Variants in CTNNA3 observed in about 807,000 individuals in gnomAD.
CTNNA3 encodes the protein catenin alpha-3.
A neutral mutation model predicts 95.7 loss-of-function variants in CTNNA3; 76 were observed. The observed-to-expected ratio is 0.79, with a 90% CI of 0.66 to 0.96. The LOEUF is 0.96. Among genes scored for constraint, CTNNA3 ranks in the 40% least tolerant of loss-of-function variants. The pLI is 0.00. For synonymous variants in CTNNA3, 431 were observed against 374.4 expected (o/e 1.15, Z -1.74); for missense variants, 1,191 against 1,089.8 (o/e 1.09, Z -1.31).
chr10:67,011,046 T>C (rs1395948690), intron 7 of CTNNA3, among the ~76,000 whole-genome samples: 4 of 152,138 alleles, frequency 2.6e-5, no homozygotes, highest in Admixed American at 6.5e-5. Context: ...TATGTCAATA[T>C]AGGCCAGGCG....
chr10:67,400,178 A>G (rs372420910), intron 5 of CTNNA3, among the ~76,000 whole-genome samples: 1 of 151,926 alleles, frequency 6.6e-6, no homozygotes, highest in African/African-American at 2.4e-5. Context: ...AAACTCTTGA[A>G]TACATATACC....
chr10:67,034,292 TC>T (rs1015051197), intron 7 of CTNNA3, among the ~76,000 whole-genome samples: 1 of 152,170 alleles, frequency 6.6e-6, no homozygotes, highest in Admixed American at 6.5e-5. Flanking sequence ...TGCCAAGCAA[TC>T]ATTTATTCAG....
intron 4 of CTNNA3, among the ~76,000 whole-genome samples, chr10:67,526,930 C>G (rs942553025): frequency 1.3e-5 from 2 of 152,128 alleles, no homozygotes; most frequent in Non-Finnish European, 2.9e-5. Flanking sequence ...TATGGTGAGG[C>G]TTGGGTGGAA....
intron 13 of CTNNA3, among the ~76,000 whole-genome samples, chr10:66,246,698 A>AT (rs1370522477): frequency 6.6e-6 from 1 of 152,016 alleles, no homozygotes; most frequent in African/African-American, 2.4e-5. Context: ...AAAAAATGCA[A>AT]TTGACATACT....
intron 5 of CTNNA3, among the ~76,000 whole-genome samples, chr10:67,389,745 A>C (rs1176112404): frequency 1.3e-5 from 2 of 151,584 alleles, no homozygotes; most frequent in African/African-American, 4.9e-5. Context: ...AGAACTCAGG[A>C]TTAAGAATCT....
At chr10:66,280,976 C>G (rs1012466982) in intron 12 of CTNNA3, among the ~76,000 whole-genome samples, 1 of 151,554 alleles carries the variant, frequency 6.6e-6, no homozygotes, top group Non-Finnish European at 1.5e-5. Flanking sequence ...ATATAAACCA[C>G]AAGACATTAC....
chr10:67,398,729 G>A (rs1020741508), intron 5 of CTNNA3, among the ~76,000 whole-genome samples: 2 of 152,088 alleles, frequency 1.3e-5, no homozygotes, highest in Non-Finnish European at 2.9e-5. Context: ...CCTGGTGGGA[G>A]GTAATTGAAT....
At chr10:66,481,531 G>C (rs1187669500) in intron 11 of CTNNA3, among the ~76,000 whole-genome samples, 1 of 127,846 alleles carries the variant, frequency 7.8e-6, no homozygotes. Context: ...GACTGCAGTG[G>C]CACGATCTCG....
At chr10:67,060,871 T>G (rs917477748) in intron 7 of CTNNA3, among the ~76,000 whole-genome samples, 1 of 152,212 alleles carries the variant, frequency 6.6e-6, no homozygotes, top group African/African-American at 2.4e-5. Flanking sequence ...AAGCTATGAC[T>G]TTAACTAGTT....
chr10:66,481,080 T>C (rs1839506180), intron 11 of CTNNA3, among the ~76,000 whole-genome samples: 1 of 152,082 alleles, frequency 6.6e-6, no homozygotes, highest in Admixed American at 6.5e-5. Context: ...GAAGAGAACA[T>C]AGAAAAAATT....
At chr10:66,546,453 G>A (rs1409005058) in intron 10 of CTNNA3, among the ~76,000 whole-genome samples, 1 of 152,068 alleles carries the variant, frequency 6.6e-6, no homozygotes, top group African/African-American at 2.4e-5. Context: ...CAACATGGTT[G>A]GATCAGTCTG....
At chr10:66,767,521 C>A (rs542559011) in intron 8 of CTNNA3, among the ~76,000 whole-genome samples, 1 of 151,442 alleles carries the variant, frequency 6.6e-6, no homozygotes. Context: ...ATAAATGGGC[C>A]CAAAGGTTTT....
At position 67,405,387 on chromosome 10, in the gene CTNNA3, T is replaced by C. The variant is rs1040970072; in HGVS notation, c.579+116455A>G. Among the ~76,000 whole-genome samples, 5 of 152,044 alleles carry C rather than the reference T, an allele frequency of 3.3e-5. No individual in the cohort carries two copies. In the East Asian group the frequency reaches 9.6e-4, roughly 29 times the overall value. ...AATAGAAAACAGAAAAAAGCAGGGA[T>C]TGCAATCCTAGCATCTAACAAAAAA... On this transcript the variant is annotated intron_variant, in intron 5 of 17. Coordinates refer to ENST00000433211, the MANE Select transcript of CTNNA3 (RefSeq NM_013266.4).
chr10:66,274,289 T>C (rs1232825965), intron 13 of CTNNA3, among the ~76,000 whole-genome samples: 1 of 152,152 alleles, frequency 6.6e-6, no homozygotes, highest in Non-Finnish European at 1.5e-5. Flanking sequence ...CACAATATCA[T>C]ATTCTTCTTT....
At chr10:66,456,885 G>T (rs890569383) in intron 11 of CTNNA3, among the ~76,000 whole-genome samples, 9 of 152,130 alleles carry the variant, frequency 5.9e-5, no homozygotes, top group African/African-American at 2.2e-4. Context: ...CTTGAGCCCA[G>T]AAGTTCAAGA....
intron 7 of CTNNA3, among the ~76,000 whole-genome samples, chr10:66,822,999 A>G (rs552478956): frequency 4.2e-4 from 64 of 152,262 alleles, no homozygotes; most frequent in Non-Finnish European, 8.1e-4. Context: ...ATGGTACGGC[A>G]TACTGAGAAG....
chr10:66,553,250 AT>A (rs1842277543), intron 10 of CTNNA3, among the ~76,000 whole-genome samples: 1 of 151,982 alleles, frequency 6.6e-6, no homozygotes, highest in Non-Finnish European at 1.5e-5. Flanking sequence ...TATATGACTC[AT>A]TTTTTAATAC....
chr10:66,360,929 G>C (rs928379306), intron 12 of CTNNA3, among the ~76,000 whole-genome samples: 1 of 118,878 alleles, frequency 8.4e-6, no homozygotes, highest in Non-Finnish European at 1.7e-5. Context: ...CTTCCTTTCT[G>C]TCTCTCTCTC....
In CTNNA3 at chr10:66,294,788, G is replaced by T. The variant is rs60663047; in HGVS notation, c.1733-14167C>A. ...GGGCAAACTATTATCAGTAATAAAA[G>T]AGCCAAAAGGAAAGGAAGTCTCGAT... On this transcript the variant is annotated intron_variant, in intron 12 of 17. Transcript: ENST00000433211. Among the ~76,000 whole-genome samples the T allele has an allele frequency of 2.0e-3, 303 of 152,140 alleles. 2 individuals carry two copies. Among genetic ancestry groups the T allele is most frequent in the African/African-American group, 7.0e-3 (289 of 41,492 alleles).
Sources: gnomAD v4.1 joint callset for allele counts (sites outside exome capture counted in the v4.1 genomes callset) on GRCh38, gnomAD v4.1.1 for gene constraint, MANE v1.5 for transcripts, NCBI Gene and HGNC (gene_info 2026-07-23, HGNC 2026-07-21) for gene names.